The following MLPH variants were observed in gnomAD, a reference collection of about 807,000 sequenced individuals.
MLPH encodes exophilin-3.
A neutral mutation model predicts 72.1 loss-of-function variants in MLPH; 51 were observed. That is an observed-to-expected ratio of 0.71 (90% CI 0.56 to 0.89). The LOEUF is 0.89. Among genes scored for constraint, MLPH ranks in the 40% least tolerant of loss-of-function variants. MLPH has a pLI of 0.00. For synonymous variants in MLPH, 301 were observed against 310.1 expected, an observed-to-expected ratio of 0.97 and a Z score of 0.31; for missense variants, 743 against 759.9, an observed-to-expected ratio of 0.98 and a Z score of 0.26.
At chr2:237,498,398 C>T (rs1254660662) in intron 2 of MLPH, among the ~76,000 whole-genome samples, 1 of 152,170 alleles carries the variant, frequency 6.6e-6, no homozygotes, top group Non-Finnish European at 1.5e-5. Flanking sequence ...TTTCCCACAG[C>T]GTCAGAACAA....
At chr2:237,511,314 G>A (rs2079899655) in intron 4 of MLPH, 1 of 488,002 alleles carries the variant, frequency 2.0e-6, no homozygotes, top group African/African-American at 2.1e-5. Context: ...ATCTCACCAT[G>A]TTTCCCAGAC....
At chr2:237,499,862 AG>A (rs769140112) in intron 2 of MLPH, among the ~76,000 whole-genome samples, 4 of 151,908 alleles carry the variant, frequency 2.6e-5, no homozygotes, top group African/African-American at 4.8e-5. Context: ...CTCCCACCTC[AG>A]TCTCCTGAGA....
chr2:237,538,552 G>A (rs952937200), intron 9 of MLPH, among the ~76,000 whole-genome samples: 12 of 152,316 alleles, frequency 7.9e-5, no homozygotes, highest in Non-Finnish European at 1.3e-4. Context: ...GCTGTCCGAC[G>A]TGTCACTGTC....
intron 14 of MLPH, among the ~76,000 whole-genome samples, chr2:237,549,996 T>C (rs1257584038): frequency 6.6e-6 from 1 of 152,220 alleles, no homozygotes; most frequent in Non-Finnish European, 1.5e-5. Flanking sequence ...TTTCTTAGCA[T>C]AGCCCTGCAG....
chr2:237,532,975 C>G (rs1048399235), intron 8 of MLPH, among the ~76,000 whole-genome samples: 2 of 152,202 alleles, frequency 1.3e-5, no homozygotes, highest in African/African-American at 2.4e-5. Context: ...CAGGCCCGGC[C>G]CATTCCACAC....
chr2:237,488,594 A>G (rs1053077493), intron 1 of MLPH, among the ~76,000 whole-genome samples: 8 of 152,066 alleles, frequency 5.3e-5, no homozygotes, highest in African/African-American at 1.9e-4. Context: ...CCTGGCCCTC[A>G]CTCAGGCTCT....
chr2:237,511,072 G>A lies in MLPH; in HGVS notation c.416G>A (p.Arg139Gln), dbSNP rs769155038. The A allele has an allele frequency of 3.9e-5, 63 of 1,613,798 alleles. No individual in the cohort carries two copies. The highest frequency in any genetic ancestry group is 6.7e-5 in the Admixed American group (4 of 60,006). Residue 139 changes from arginine to glutamine, a missense_variant, in exon 4 of 16, where the codon CGG becomes CAG. Arg to Gln is a conservative substitution (Grantham distance 43, BLOSUM62 1). Transcript: ENST00000264605. ...FKRFGSAKVI[R>Q]SLHGRLQGGA... ...AGGTTCGGAAGTGCCAAGGTCATCC[G>A]GTCCCTCCACGGGCGGCTGCAGGGT...
At chr2:237,518,685 C>G (rs186453283) in intron 5 of MLPH, 37 bp downstream of exon 5, 6 of 1,512,742 alleles carry the variant, frequency 4.0e-6, no homozygotes, top group Non-Finnish European at 5.5e-6. Context: ...TCAGCCACCT[C>G]GATTCCATCC....
intron 8 of MLPH, among the ~76,000 whole-genome samples, chr2:237,529,191 C>T (rs1333626192): frequency 3.3e-5 from 5 of 151,964 alleles, no homozygotes; most frequent in African/African-American, 9.7e-5. Flanking sequence ...CACAGGCGCC[C>T]ACCACCACGC....
At position 237,510,630 on chromosome 2, in the gene MLPH, C is replaced by G. The variant is rs755023192; in HGVS notation, c.167C>G (p.Thr56Ser). ...ESSKRELLSDTAHLNETHCAR... is the reference protein window; with the variant it reads ...ESSKRELLSDSAHLNETHCAR... ...TCCAAGAGGGAGCTGCTTTCCGACA[C>G]TGCCCATCTGAACGAGACCCACTGC... The change falls in exon 3 of 16, where the codon ACT (threonine) becomes AGT (serine). Residue 56 changes from threonine (T) to serine (S), a missense_variant. Transcript: ENST00000264605. This position sits in a 1 kb window ranked among gnomAD's most constrained non-coding sequence, Gnocchi z 4.4. The G allele has an allele frequency of 4.6e-5, 74 of 1,613,642 alleles. No individual in the cohort carries two copies. The highest frequency in any genetic ancestry group is 5.0e-5 in the Non-Finnish European group (59 of 1,180,056).
intron 4 of MLPH, among the ~76,000 whole-genome samples, chr2:237,516,914 A>AGGATGGATGGATGGATGGATGGATGGAT (rs1157566183): frequency 1.1e-4 from 13 of 119,232 alleles, no homozygotes; most frequent in African/African-American, 5.1e-4. Flanking sequence ...GATGGATGGT[A>AGGATGGATGGATGGATGGATGGATGGAT]GGATGGATGG....
At chr2:237,548,209 T>C (rs1175465633) in intron 13 of MLPH, among the ~76,000 whole-genome samples, 2 of 152,142 alleles carry the variant, frequency 1.3e-5, no homozygotes, top group Non-Finnish European at 2.9e-5. Context: ...ACCCACACTC[T>C]TCTCTGGTGG....
intron 1 of MLPH, among the ~76,000 whole-genome samples, chr2:237,488,249 A>G (rs909509284): frequency 7.2e-5 from 11 of 152,162 alleles, no homozygotes; most frequent in Non-Finnish European, 1.3e-4. Flanking sequence ...AAGGCTCCCA[A>G]TAGGTGCAAA....
intron 1 of MLPH, among the ~76,000 whole-genome samples, chr2:237,492,457 G>A (rs1294032549): frequency 2.1e-5 from 3 of 140,836 alleles, no homozygotes; most frequent in Non-Finnish European, 4.5e-5. Context: ...GTGAGAACTC[G>A]TCTCTAAAAA....
chr2:237,510,544 T>C lies in MLPH; in HGVS notation c.111-30T>C. The C allele has an allele frequency of 6.2e-7, 1 of 1,607,290 alleles. No individual in the cohort carries two copies. Among genetic ancestry groups the C allele is most frequent in the South Asian group, 1.1e-5 (1 of 90,696 alleles). On this transcript the variant is annotated intron_variant, in intron 2 of 15. Coordinates refer to ENST00000264605, the MANE Select transcript of MLPH (RefSeq NM_024101.7). This position sits in a 1 kb window ranked among gnomAD's most constrained non-coding sequence, Gnocchi z 4.4. Reference sequence around the variant, plus strand: ...CCTGTTGCAAAAACAAGATGCCCAATATATTTCTTGTTTCTGATATTTTCC... The same window carrying C: ...CCTGTTGCAAAAACAAGATGCCCAACATATTTCTTGTTTCTGATATTTTCC...
intron 4 of MLPH, chr2:237,511,367 C>T: frequency 2.3e-6 from 1 of 433,952 alleles, no homozygotes; most frequent in Non-Finnish European, 4.3e-6. Context: ...CCACCTCAGC[C>T]TCCCGAAGTG....
At chr2:237,534,101 G>T (rs1418514155) in intron 8 of MLPH, among the ~76,000 whole-genome samples, 5 of 152,154 alleles carry the variant, frequency 3.3e-5, no homozygotes, top group Non-Finnish European at 5.9e-5. Context: ...TGTACTTCTG[G>T]TCCCTTTAGG....
chr2:237,507,914 C>T (rs575421066), intron 2 of MLPH, among the ~76,000 whole-genome samples: 1 of 152,230 alleles, frequency 6.6e-6, no homozygotes, highest in African/African-American at 2.4e-5. Context: ...GCTCAGGTGG[C>T]GATCGGAACA....
chr2:237,502,381 A>C (rs1251214003), intron 2 of MLPH, among the ~76,000 whole-genome samples: 1 of 152,186 alleles, frequency 6.6e-6, no homozygotes, highest in Non-Finnish European at 1.5e-5. Flanking sequence ...TCCTGGACCC[A>C]AGGGACCTGG....
Sources: allele counts gnomAD v4.1 joint callset (sites outside exome capture counted in the v4.1 genomes callset), GRCh38; gene constraint gnomAD v4.1.1; non-coding constraint Gnocchi (gnomAD v3.1); transcripts MANE v1.5; gene names NCBI Gene and HGNC (gene_info 2026-07-23, HGNC 2026-07-21).